GLI3: variants seen among roughly 807,000 people sequenced by gnomAD.
GLI3 encodes the protein transcription activator GLI3.
Under a neutral mutation model 100.8 loss-of-function variants are expected in GLI3, and 20 were observed. The observed-to-expected ratio is 0.20, with a 90% confidence interval of 0.14 to 0.29. The LOEUF is 0.29. Ranked by LOEUF, GLI3 falls within the 10% of genes least tolerant of loss-of-function variation. The probability of loss-of-function intolerance (pLI) is 1.00; values close to 1 mark genes in which losing one functional copy is unlikely to be tolerated. For missense variants in GLI3, 2,040 were observed against 2,128.5 expected (o/e 0.96, Z 0.82); for synonymous variants, 938 against 860.5 (o/e 1.09, Z -1.58).
intron 3 of GLI3, among the ~76,000 whole-genome samples, chr7:42,104,667 T>C (rs963882238): frequency 6.6e-6 from 1 of 152,224 alleles, no homozygotes; most frequent in African/African-American, 2.4e-5. Flanking sequence ...TGCTATAGAC[T>C]GAATATATTC....
intron 1 of GLI3, among the ~76,000 whole-genome samples, chr7:42,259,020 G>C (rs1376801923): frequency 6.6e-6 from 1 of 152,142 alleles, no homozygotes; most frequent in Non-Finnish European, 1.5e-5. Flanking sequence ...CTCTATCTCT[G>C]AGCTGATGGG....
intron 3 of GLI3, among the ~76,000 whole-genome samples, chr7:42,083,996 T>G (rs1785049672): frequency 1.3e-5 from 2 of 152,202 alleles, no homozygotes; most frequent in South Asian, 4.1e-4. Context: ...CAATAAAAAG[T>G]AAGCTATTTC....
intron 3 of GLI3, among the ~76,000 whole-genome samples, chr7:42,093,015 T>C (rs1785259657): frequency 6.6e-6 from 1 of 151,856 alleles, no homozygotes; most frequent in African/African-American, 2.4e-5. Flanking sequence ...GGTTTCACCA[T>C]GTTGACCAGG....
At chr7:42,007,436 T>C (rs1484019713) in intron 10 of GLI3, among the ~76,000 whole-genome samples, 1 of 152,168 alleles carries the variant, frequency 6.6e-6, no homozygotes, top group Non-Finnish European at 1.5e-5. Flanking sequence ...CCAAGTTTTA[T>C]ATCCTTCAGG....
chr7:42,087,503 C>T lies in GLI3; in HGVS notation c.368-10646G>A, dbSNP rs759204463. Among the ~76,000 whole-genome samples the T allele has an allele frequency of 1.8e-3, 269 of 152,264 alleles. 1 individual carries two copies. The highest frequency in any genetic ancestry group is 5.0e-4 in the Non-Finnish European group (34 of 68,008). On this transcript the variant is annotated intron_variant, in intron 3 of 14. Transcript: ENST00000395925. ...CTAAGACAGGGCAGACACTGATGGG[C>T]GCTCAGCAATCACAATCCTGGTTGG...
chr7:41,971,812 ACTC>A (rs1214076182), intron 13 of GLI3, among the ~76,000 whole-genome samples: 1 of 151,836 alleles, frequency 6.6e-6, no homozygotes, highest in African/African-American at 2.4e-5. Context: ...GGAGCACTGA[ACTC>A]CTGTCCCATG....
chr7:42,003,493 A>G (rs1356181347), intron 10 of GLI3, among the ~76,000 whole-genome samples: 2 of 152,224 alleles, frequency 1.3e-5, no homozygotes, highest in African/African-American at 4.8e-5. Flanking sequence ...AATGAGTGAA[A>G]GTACAAATGA....
intron 3 of GLI3, among the ~76,000 whole-genome samples, chr7:42,135,001 T>C (rs2128779484): frequency 6.6e-6 from 1 of 152,292 alleles, no homozygotes; most frequent in East Asian, 1.9e-4. Context: ...ATAGTGTATT[T>C]AAATTTGCCA....
chr7:42,111,932 A>G (rs1785718277), intron 3 of GLI3, among the ~76,000 whole-genome samples: 1 of 152,138 alleles, frequency 6.6e-6, no homozygotes, highest in South Asian at 2.1e-4. Context: ...TGGCCACCCT[A>G]GTGCTTAGCT....
intron 10 of GLI3, among the ~76,000 whole-genome samples, chr7:41,981,783 A>G (rs878860856): frequency 1.3e-5 from 2 of 152,312 alleles, no homozygotes; most frequent in Admixed American, 6.5e-5. Flanking sequence ...TCTGCCTACA[A>G]TGGTGTTGAG....
intron 2 of GLI3, among the ~76,000 whole-genome samples, chr7:42,191,027 T>A (rs1053065418): frequency 2.0e-4 from 31 of 151,676 alleles, no homozygotes; most frequent in African/African-American, 7.3e-4. Flanking sequence ...ATAAAAAAAA[T>A]AATATTAAAG....
intron 12 of GLI3, among the ~76,000 whole-genome samples, chr7:41,973,377 A>C (rs1787417967): frequency 6.6e-6 from 1 of 152,222 alleles, no homozygotes; most frequent in Non-Finnish European, 1.5e-5. Flanking sequence ...CTCCTCAGTG[A>C]ATTTATAACT....
At chr7:42,238,246 G>C (rs1375680366), upstream of GLI3, among the ~76,000 whole-genome samples, 1 of 151,920 alleles carries the variant, frequency 6.6e-6, no homozygotes, top group African/African-American at 2.4e-5. Context: ...TGGCACTCGT[G>C]CTGCGTCCTG....
intron 3 of GLI3, among the ~76,000 whole-genome samples, chr7:42,144,743 A>G (rs954762091): frequency 1.3e-5 from 2 of 152,188 alleles, no homozygotes; most frequent in Admixed American, 6.5e-5. Flanking sequence ...TTAGAAATAC[A>G]AAGTTCATAT....
At chr7:42,237,976 T>TCCGCCG (rs1206993639), upstream of GLI3, 3,139 of 146,056 alleles carry the variant, frequency 0.021, 36 homozygotes, top group Non-Finnish European at 0.025. Flanking sequence ...CTCCCCGCCC[T>TCCGCCG]CCGCCGCCGC....
chr7:42,094,243 T>C (rs753658038), intron 3 of GLI3, among the ~76,000 whole-genome samples: 2 of 152,230 alleles, frequency 1.3e-5, no homozygotes, highest in Non-Finnish European at 2.9e-5. Context: ...AATTCTGTTC[T>C]GTGCTGCTTC....
chr7:41,969,264 C>T (rs1051282245), intron 13 of GLI3, among the ~76,000 whole-genome samples: 7 of 152,170 alleles, frequency 4.6e-5, no homozygotes, highest in Admixed American at 1.3e-4. Flanking sequence ...GCGTCTGCAG[C>T]GCCTTCACCA....
chr7:42,199,374 T>C (rs1353043546), intron 2 of GLI3, among the ~76,000 whole-genome samples: 3 of 152,064 alleles, frequency 2.0e-5, no homozygotes, highest in Non-Finnish European at 1.5e-5. Context: ...GAAAGCACAT[T>C]AAAAGCCCGT....
chr7:42,235,161 C>T (rs1382420744), intron 1 of GLI3, among the ~76,000 whole-genome samples: 1 of 152,190 alleles, frequency 6.6e-6, no homozygotes, highest in African/African-American at 2.4e-5. Context: ...AATCTTGACA[C>T]ATGTAATTAA....
Sources: gnomAD v4.1 joint callset for allele counts (sites outside exome capture counted in the v4.1 genomes callset) on GRCh38, gnomAD v4.1.1 for gene constraint, MANE v1.5 for transcripts, NCBI Gene and HGNC (gene_info 2026-07-23, HGNC 2026-07-21) for gene names.